The following SERPINB12 variants were observed in gnomAD, a reference collection of about 807,000 sequenced individuals.
The protein encoded by SERPINB12 is serpin family B member 12.
SERPINB12 carries 57 observed loss-of-function variants against 41.1 expected under a neutral mutation model. The ratio of observed to expected loss-of-function variants is 1.39; its 90% confidence interval spans 1.12 to 1.73. The LOEUF is 1.73. Ranked by LOEUF, SERPINB12 falls within the 40% of genes most tolerant of loss-of-function variation. The pLI is 0.00. For synonymous variants in SERPINB12, 180 were observed against 181.3 expected, an observed-to-expected ratio of 0.99 and a Z score of 0.06; for missense variants, 536 against 501.9, an observed-to-expected ratio of 1.07 and a Z score of -0.65.
the SERPINB12 span, among the ~76,000 whole-genome samples, chr18:63,521,112 T>G: frequency 6.6e-6 from 1 of 152,184 alleles, no homozygotes; most frequent in Non-Finnish European, 1.5e-5. Flanking sequence ...AATTTTTTTG[T>G]GTGAGGTTGT....
the SERPINB12 span, among the ~76,000 whole-genome samples, chr18:63,521,380 G>T: frequency 6.6e-6 from 1 of 152,174 alleles, no homozygotes; most frequent in South Asian, 2.1e-4. Context: ...CCTGTCCCAG[G>T]TTGCTGATCT....
chr18:63,563,294 A>G (rs1910974368), intron 5 of SERPINB12, among the ~76,000 whole-genome samples: 1 of 152,182 alleles, frequency 6.6e-6, no homozygotes, highest in African/African-American at 2.4e-5. Flanking sequence ...TGAGACAGGA[A>G]GTTTATATTG....
At chr18:63,527,855 C>T in the SERPINB12 span, among the ~76,000 whole-genome samples, 2 of 152,282 alleles carry the variant, frequency 1.3e-5, no homozygotes, top group Admixed American at 6.5e-5. Context: ...CAAATCTCAT[C>T]TTGAATTCCC....
chr18:63,555,288 C>A (rs999976188), intron 1 of SERPINB12, among the ~76,000 whole-genome samples: 1 of 152,084 alleles, frequency 6.6e-6, no homozygotes. Context: ...GCACATGACC[C>A]ATGGGAATTT....
chr18:63,563,729 T>C (rs1910992035), intron 5 of SERPINB12, among the ~76,000 whole-genome samples: 1 of 152,032 alleles, frequency 6.6e-6, no homozygotes, highest in African/African-American at 2.4e-5. Flanking sequence ...AAACCCCTTC[T>C]CTACTGAAAA....
At chr18:63,562,040 G>A (rs539907362) in intron 5 of SERPINB12, among the ~76,000 whole-genome samples, 14 of 152,032 alleles carry the variant, frequency 9.2e-5, no homozygotes, top group Non-Finnish European at 1.8e-4. Flanking sequence ...AAACAAAAAA[G>A]CATGGTCTGA....
chr18:63,541,047 G>A (rs1910261304), upstream of SERPINB12, among the ~76,000 whole-genome samples: 1 of 152,050 alleles, frequency 6.6e-6, no homozygotes, highest in African/African-American at 2.4e-5. Context: ...CAAATGACAT[G>A]TACTATTTAA....
Position 63,567,787 on chromosome 18 carries a change from T to G in SERPINB12, c.*776T>G, listed in dbSNP as rs572057184. 2.8e-3 allele frequency among the ~76,000 whole-genome samples: 430 copies of G among 152,320 alleles called. 1 individual carries two copies. Among genetic ancestry groups the G allele is most frequent in the African/African-American group, 9.9e-3 (413 of 41,586 alleles). On this transcript the variant is annotated 3_prime_UTR_variant, in exon 8 of 8. Transcript: ENST00000382768. Reference sequence around the variant, plus strand: ...CACTTCCCTCTGTCTCTCCTCCCCCTAGCTCCAAGAATTCCCACCTGTGGC... The same window carrying G: ...CACTTCCCTCTGTCTCTCCTCCCCCGAGCTCCAAGAATTCCCACCTGTGGC...
upstream of SERPINB12, among the ~76,000 whole-genome samples, chr18:63,540,793 A>G (rs1434985982): frequency 1.3e-5 from 2 of 152,212 alleles, no homozygotes; most frequent in Non-Finnish European, 2.9e-5. Flanking sequence ...TTTAATTAAT[A>G]GGAGAATGGA....
chr18:63,556,163 G>T lies in SERPINB12; in HGVS notation c.4G>T (p.Asp2Tyr). M[D>Y]SLVTANTKFC... is the part of the protein sequence containing the mutation. Reference sequence around the variant, plus strand: ...TTAGATCGTTATAAGTTTTACAATGGACTCTCTTGTTACAGCAAACACCAA... The same window carrying T: ...TTAGATCGTTATAAGTTTTACAATGTACTCTCTTGTTACAGCAAACACCAA... The change falls in exon 2 of 8, where the codon GAC (aspartate) becomes TAC (tyrosine). Residue 2 changes from aspartate (D) to tyrosine (Y), a missense_variant. Coordinates refer to ENST00000382768, the MANE Select transcript of SERPINB12 (RefSeq NM_001307928.2). 1 of 1,612,188 alleles carries T rather than the reference G, an allele frequency of 6.2e-7. No individual in the cohort carries two copies. Among genetic ancestry groups the T allele is most frequent in the Non-Finnish European group, 8.5e-7 (1 of 1,178,904 alleles).
chr18:63,533,805 A>G, the SERPINB12 span, among the ~76,000 whole-genome samples: 89 of 152,312 alleles, frequency 5.8e-4, no homozygotes, highest in African/African-American at 2.1e-3. Flanking sequence ...CCACATGTGC[A>G]TGTGGGAAAT....
At chr18:63,533,041 C>A in the SERPINB12 span, among the ~76,000 whole-genome samples, 1 of 152,196 alleles carries the variant, frequency 6.6e-6, no homozygotes, top group South Asian at 2.1e-4. Context: ...TGCAGTGGCG[C>A]AATCTCAGCT....
chr18:63,527,219 A>C, the SERPINB12 span, among the ~76,000 whole-genome samples: 1 of 152,228 alleles, frequency 6.6e-6, no homozygotes, highest in Non-Finnish European at 1.5e-5. Context: ...GCAGGCAGGG[A>C]AGCATTTTAT....
chr18:63,535,974 G>A, the SERPINB12 span, among the ~76,000 whole-genome samples: 2 of 151,876 alleles, frequency 1.3e-5, no homozygotes, highest in African/African-American at 2.4e-5. Flanking sequence ...CTATATATGT[G>A]TGTATATATA....
Position 63,566,800 on chromosome 18 carries a change from G to C in SERPINB12, c.1067G>C (p.Ser356Thr). 1 of 1,614,104 alleles carries C rather than the reference G, an allele frequency of 6.2e-7. No homozygotes were observed. The highest frequency in any genetic ancestry group is 8.5e-7 in the Non-Finnish European group (1 of 1,180,000). The change falls in exon 8 of 8, where the codon AGT becomes ACT. Residue 356 changes from serine (S) to threonine (T), a missense_variant. Transcript: ENST00000382768. ...TRADLTGISPSPNLYLSKIIH... is the reference protein window; with the variant it reads ...TRADLTGISPTPNLYLSKIIH... The stretch of plus-strand genomic sequence containing the variant: ...GCTGATCTTACTGGAATCTCTCCAA[G>C]TCCCAATTTGTACTTGTCAAAAATT...
At chr18:63,564,834 T>G (rs1911038832) in intron 6 of SERPINB12, among the ~76,000 whole-genome samples, 1 of 152,150 alleles carries the variant, frequency 6.6e-6, no homozygotes, top group East Asian at 1.9e-4. Context: ...TTCTGCTGAC[T>G]TAACAGTGGA....
At chr18:63,522,015 T>C in the SERPINB12 span, among the ~76,000 whole-genome samples, 1 of 152,252 alleles carries the variant, frequency 6.6e-6, no homozygotes, top group African/African-American at 2.4e-5. Flanking sequence ...ATTATAGCTA[T>C]AGAGAAACAT....
chr18:63,519,290 T>C, the SERPINB12 span, among the ~76,000 whole-genome samples: 3 of 152,178 alleles, frequency 2.0e-5, no homozygotes, highest in Admixed American at 6.5e-5. Context: ...CCTTAAGACC[T>C]TCAACAGTGG....
chr18:63,526,724 T>G, the SERPINB12 span, among the ~76,000 whole-genome samples: 1 of 152,182 alleles, frequency 6.6e-6, no homozygotes, highest in Non-Finnish European at 1.5e-5. Context: ...TCTTTTCAAT[T>G]TTAAGTGAGT....
Sources: allele counts gnomAD v4.1 joint callset (sites outside exome capture counted in the v4.1 genomes callset), GRCh38; gene constraint gnomAD v4.1.1; transcripts MANE v1.5; gene names NCBI Gene and HGNC (gene_info 2026-07-23, HGNC 2026-07-21).